The following ZFHX3 variants were observed in gnomAD, a reference collection of about 807,000 sequenced individuals.
The protein encoded by ZFHX3 is zinc finger homeobox 3.
ZFHX3 carries 42 observed loss-of-function variants against 279.1 expected under a neutral mutation model. The ratio of observed to expected loss-of-function variants is 0.15; its 90% CI spans 0.12 to 0.19. ZFHX3 has a LOEUF of 0.19. ZFHX3 is among the 10% of genes least tolerant of loss of function. The pLI is 1.00. For synonymous variants in ZFHX3, 2,293 were observed against 1,957.8 expected (o/e 1.17, Z -4.52); for missense variants, 4,981 against 4,754.0 (o/e 1.05, Z -1.40).
intron 2 of ZFHX3, among the ~76,000 whole-genome samples, chr16:73,488,337 T>A (rs1270490481): frequency 6.6e-6 from 1 of 152,046 alleles, no homozygotes; most frequent in Admixed American, 6.5e-5. Context: ...ATAGTGCTGA[T>A]GAAAAGAGCA....
chr16:73,796,266 G>A (rs892401431), intron 1 of ZFHX3: 1 of 152,108 alleles, frequency 6.6e-6, no homozygotes, highest in Non-Finnish European at 1.5e-5. Context: ...TGAAGATGAG[G>A]TCTAAAAGAC....
Position 73,838,762 on chromosome 16 carries a change from C to CTGTG in ZFHX3, c.-1608+52885_-1608+52888dup, listed in dbSNP as rs34111835. Among the ~76,000 whole-genome samples the CTGTG allele has an allele frequency of 1.4e-3, 205 of 147,878 alleles. 1 individual carries two copies. Among genetic ancestry groups the CTGTG allele is most frequent in the Middle Eastern group, 3.5e-3 (1 of 286 alleles). ...TGTGTGCGCACATGCGTGTGTGTGT[C>CTGTG]TGTGTGTGTGTGTGTGTGTGTGTGT... On this transcript the variant is annotated intron_variant, in intron 1 of 17. Coordinates refer to the ZFHX3 transcript ENST00000641206.
chr16:73,732,036 A>G (rs1372502611), intron 1 of ZFHX3, among the ~76,000 whole-genome samples: 2 of 152,232 alleles, frequency 1.3e-5, no homozygotes, highest in African/African-American at 2.4e-5. Flanking sequence ...AGCAAACGCT[A>G]TAATTTTGAA....
chr16:72,864,915 T>A (rs1250441715), intron 4 of ZFHX3, among the ~76,000 whole-genome samples: 1 of 152,208 alleles, frequency 6.6e-6, no homozygotes, highest in African/African-American at 2.4e-5. Context: ...AAAATGAGAC[T>A]GTCCTGTAAT....
chr16:72,881,495 G>C (rs568155395), intron 4 of ZFHX3, among the ~76,000 whole-genome samples: 1 of 152,346 alleles, frequency 6.6e-6, no homozygotes, highest in African/African-American at 2.4e-5. Context: ...TGTACGCAGA[G>C]AGATAGATGC....
At position 72,958,790 on chromosome 16, in the gene ZFHX3, G is replaced by A. The variant is rs753849100; in HGVS notation, c.1356C>T (p.Phe452=). 8.1e-6 allele frequency: 13 copies of A among 1,614,072 alleles called. No homozygotes were observed. The highest frequency in any genetic ancestry group is 1.7e-5 in the Admixed American group (1 of 60,016). ...EKQEVGDGDC[F]SEKVEPAEEE... ...CTTCGGCTGGCTCTACCTTCTCAGA[G>A]AAGCAATCCCCGTCGCCCACTTCCT... Residue 452 remains phenylalanine, a synonymous_variant, in exon 2 of 10, where the codon TTC becomes TTT. Coordinates refer to ENST00000268489, the MANE Select transcript of ZFHX3 (RefSeq NM_006885.4).
intron 3 of ZFHX3, among the ~76,000 whole-genome samples, chr16:72,892,510 G>T (rs1021182418): frequency 1.4e-4 from 20 of 142,570 alleles, no homozygotes; most frequent in South Asian, 4.5e-4. Flanking sequence ...TTATTTATTG[G>T]TTTTTTTTTT....
intron 3 of ZFHX3, among the ~76,000 whole-genome samples, chr16:72,901,772 T>TCTTGAAGAGCCGTCC (rs2039042951): frequency 6.6e-6 from 1 of 152,228 alleles, no homozygotes; most frequent in South Asian, 2.1e-4. Flanking sequence ...AGGAGATGGC[T>TCTTGAAGAGCCGTCC]GTATGCAGAA....
chr16:73,263,466 G>A (rs564128717), intron 4 of ZFHX3, among the ~76,000 whole-genome samples: 89 of 152,316 alleles, frequency 5.8e-4, no homozygotes, highest in Middle Eastern at 6.8e-3. Context: ...TGGGATTACA[G>A]GCGTAAGCCA....
intron 1 of ZFHX3, among the ~76,000 whole-genome samples, chr16:73,891,038 C>T (rs1174415072): frequency 6.7e-6 from 1 of 148,732 alleles, no homozygotes; most frequent in African/African-American, 2.5e-5. Context: ...CTCCACCTCA[C>T]CCCCGCTCAG....
chr16:73,536,379 C>A (rs1231210217), intron 2 of ZFHX3, among the ~76,000 whole-genome samples: 2 of 152,056 alleles, frequency 1.3e-5, no homozygotes, highest in Non-Finnish European at 2.9e-5. Flanking sequence ...GAGCTACAGC[C>A]TCAGTTTACA....
intron 2 of ZFHX3, among the ~76,000 whole-genome samples, chr16:73,473,339 C>CAGAAAAAAAAAAAAAAAAA (rs2018702704): frequency 1.3e-5 from 1 of 76,658 alleles, no homozygotes; most frequent in African/African-American, 5.9e-5. Flanking sequence ...TGTCTCAAAG[C>CAGAAAAAAAAAAAAAAAAA]AAAAAAAAAA....
Position 72,788,699 on chromosome 16 carries a change from G to C in ZFHX3, c.9577C>G (p.Gln3193Glu). ...PAQATMAMGP[Q>E]QPPQQQQQQQ... ...TGCTGCTGCTGCTGGGGGGGTTGCT[G>C]AGGGCCCATCGCCATCGTGGCTTGT... is the stretch of plus-strand genomic sequence containing the variant. The change falls in exon 10 of 10, where the codon CAG (glutamine) becomes GAG (glutamate). Residue 3193 changes from glutamine to glutamate, a missense_variant. By Grantham distance (29) the Gln-to-Glu change is conservative. This residue lies in a region of ZFHX3 where 1,034 missense variants were observed against 786.0 expected (regional missense o/e 1.32). Coordinates refer to ENST00000268489, the MANE Select transcript of ZFHX3 (RefSeq NM_006885.4). The C allele has an allele frequency of 6.2e-7, 1 of 1,612,662 alleles. No homozygotes were observed. The highest frequency in any genetic ancestry group is 8.5e-7 in the Non-Finnish European group (1 of 1,179,212).
In ZFHX3 at chr16:73,787,246, A is replaced by T. The variant is rs147463970; in HGVS notation, c.-1608+104405T>A. 5.9e-5 allele frequency among the ~76,000 whole-genome samples: 9 copies of T among 152,264 alleles called. No homozygotes were observed. The East Asian group carries it at 1.7e-3, about 29-fold the overall frequency. On this transcript the variant is annotated intron_variant, in intron 1 of 17. Coordinates refer to the ZFHX3 transcript ENST00000641206. Reference sequence around the variant, plus strand: ...TTCCTCTCTGGAATGCTAACAAATGATCATCACTGATTTATCCAGTGCAAT... The same window carrying T: ...TTCCTCTCTGGAATGCTAACAAATGTTCATCACTGATTTATCCAGTGCAAT...
At chr16:73,648,018 G>C (rs112725766) in intron 2 of ZFHX3, among the ~76,000 whole-genome samples, 2 of 152,118 alleles carry the variant, frequency 1.3e-5, no homozygotes, top group African/African-American at 4.8e-5. Flanking sequence ...ACGTCAAAAA[G>C]TGTGGTCTTT....
At chr16:73,675,810 A>T (rs2052948686) in intron 2 of ZFHX3, among the ~76,000 whole-genome samples, 1 of 152,090 alleles carries the variant, frequency 6.6e-6, no homozygotes, top group Admixed American at 6.6e-5. Context: ...AAAACAATAC[A>T]CATACACGCA....
chr16:73,362,024 T>C (rs2143314491), intron 3 of ZFHX3, among the ~76,000 whole-genome samples: 1 of 152,328 alleles, frequency 6.6e-6, no homozygotes, highest in African/African-American at 2.4e-5. Flanking sequence ...TCATTTCTCA[T>C]ATCCTCATGG....
chr16:73,131,542 A>G (rs748294510), intron 6 of ZFHX3, among the ~76,000 whole-genome samples: 4 of 152,350 alleles, frequency 2.6e-5, no homozygotes, highest in Middle Eastern at 3.4e-3. Context: ...ACAGAGAGAC[A>G]GAGAGACTTT....
At chr16:73,530,469 T>A (rs1730751146) in intron 2 of ZFHX3, among the ~76,000 whole-genome samples, 1 of 152,180 alleles carries the variant, frequency 6.6e-6, no homozygotes, top group Non-Finnish European at 1.5e-5. Context: ...ACTTCTCTCA[T>A]TCCAAAAGTT....
Sources: gnomAD v4.1 joint callset for allele counts (sites outside exome capture counted in the v4.1 genomes callset) on GRCh38, gnomAD v4.1.1 for gene constraint, gnomAD v4.1.1 regional missense constraint, MANE v1.5 for transcripts, NCBI Gene and HGNC (gene_info 2026-07-23, HGNC 2026-07-21) for gene names.